Variants in LUZP2 observed in about 807,000 individuals in gnomAD.
LUZP2 encodes the protein leucine zipper protein 2.
A neutral mutation model predicts 51.6 loss-of-function variants in LUZP2; 52 were observed. The ratio of observed to expected loss-of-function variants is 1.01; its 90% confidence interval spans 0.81 to 1.27. LUZP2 has a LOEUF of 1.27. LUZP2 is among the 50% of genes most tolerant of loss of function. The pLI is 0.00. For synonymous variants in LUZP2, 154 were observed against 137.3 expected (o/e 1.12, Z -0.85); for missense variants, 436 against 395.4 (o/e 1.10, Z -0.87).
chr11:24,512,240 G>A (rs1038215831), intron 1 of LUZP2, among the ~76,000 whole-genome samples: 3 of 151,956 alleles, frequency 2.0e-5, no homozygotes, highest in Non-Finnish European at 2.9e-5. Context: ...AACAAATAGC[G>A]GTGGTGGTAG....
chr11:24,848,745 G>A (rs755579399), intron 5 of LUZP2, among the ~76,000 whole-genome samples: 22 of 152,032 alleles, frequency 1.4e-4, no homozygotes, highest in Non-Finnish European at 2.4e-4. Context: ...GAATGAAAGC[G>A]GAAACATTTC....
chr11:25,005,661 G>A (rs1460365191), intron 9 of LUZP2, among the ~76,000 whole-genome samples: 2 of 152,058 alleles, frequency 1.3e-5, no homozygotes, highest in African/African-American at 4.8e-5. Flanking sequence ...ATGGTCCCTG[G>A]ACCCTGCTGA....
chr11:24,770,723 C>T (rs1391464606), intron 5 of LUZP2, among the ~76,000 whole-genome samples: 2 of 152,122 alleles, frequency 1.3e-5, no homozygotes, highest in East Asian at 1.9e-4. Flanking sequence ...GGCAATAAAG[C>T]AGTTACTATT....
At chr11:24,826,190 A>ATATATATATATATATAT (rs1554916354) in intron 5 of LUZP2, among the ~76,000 whole-genome samples, 13 of 67,544 alleles carry the variant, frequency 1.9e-4, no homozygotes, top group African/African-American at 2.9e-4. Context: ...AAAAAAAAAA[A>ATATATATATATATATAT]ATATATATAT....
chr11:24,880,286 T>TAC (rs58137096), intron 5 of LUZP2, among the ~76,000 whole-genome samples: 74,809 of 151,808 alleles, frequency 0.49, 18,951 homozygotes, highest in East Asian at 0.75. Flanking sequence ...CTCCCAAATT[T>TAC]AGACTCTCTC....
intron 1 of LUZP2, among the ~76,000 whole-genome samples, chr11:24,638,254 G>A (rs1186439984): frequency 1.3e-5 from 2 of 151,502 alleles, no homozygotes; most frequent in African/African-American, 4.9e-5. Context: ...CTTTAAAATT[G>A]TCAATAAAAT....
chr11:24,724,407 T>A (rs1858395720), intron 1 of LUZP2, among the ~76,000 whole-genome samples: 4 of 151,866 alleles, frequency 2.6e-5, no homozygotes, highest in Admixed American at 2.6e-4. Flanking sequence ...CTCTCTCTAC[T>A]AAGAATAGAA....
In LUZP2 at chr11:24,675,807, A is replaced by ATTTG. The variant is rs1237492113; in HGVS notation, c.63-53359_63-53358insGTTT. Among the ~76,000 whole-genome samples the ATTTG allele has an allele frequency of 6.9e-4, 87 of 126,796 alleles. 1 individual carries two copies. The highest frequency in any genetic ancestry group is 2.1e-3 in the African/African-American group (73 of 35,490). 83.2% of individuals were successfully genotyped at this position (126,796 alleles called of 152,430 possible). A position where few individuals can be genotyped will look rare whatever the true frequency, so the allele number is the denominator to read the frequency against. ...TTTTTTTATATTTATTTATTTATTT[A>ATTTG]TTTATTTATTTATTTATTTATTTAT... On this transcript the variant is annotated intron_variant, in intron 1 of 11. Transcript: ENST00000336930.
chr11:24,657,000 A>G (rs1855828974), intron 1 of LUZP2, among the ~76,000 whole-genome samples: 1 of 152,212 alleles, frequency 6.6e-6, no homozygotes, highest in Admixed American at 6.5e-5. Flanking sequence ...CGTGGAAACT[A>G]AGAGCTGGAG....
At chr11:24,696,976 AC>A (rs1857269461) in intron 1 of LUZP2, among the ~76,000 whole-genome samples, 1 of 152,100 alleles carries the variant, frequency 6.6e-6, no homozygotes, top group Non-Finnish European at 1.5e-5. Context: ...AAAACCTGTT[AC>A]CTTGGGTTTG....
At chr11:24,856,653 A>C (rs1311735387) in intron 5 of LUZP2, among the ~76,000 whole-genome samples, 1 of 152,136 alleles carries the variant, frequency 6.6e-6, no homozygotes, top group African/African-American at 2.4e-5. Context: ...ACTATTCACA[A>C]TAGCAAAGAT....
At chr11:24,713,566 C>CA (rs1857919118) in intron 1 of LUZP2, among the ~76,000 whole-genome samples, 1 of 151,606 alleles carries the variant, frequency 6.6e-6, no homozygotes, top group Non-Finnish European at 1.5e-5. Context: ...ACAGGCCAGA[C>CA]ACGGTGGCTC....
At chr11:24,788,146 C>T (rs1276192130) in intron 5 of LUZP2, among the ~76,000 whole-genome samples, 1 of 149,714 alleles carries the variant, frequency 6.7e-6, no homozygotes, top group African/African-American at 2.5e-5. Context: ...TTAATTCTTT[C>T]ACTGTAACAG....
chr11:24,940,350 A>G (rs965182041), intron 7 of LUZP2, among the ~76,000 whole-genome samples: 4 of 152,144 alleles, frequency 2.6e-5, no homozygotes, highest in South Asian at 2.1e-4. Flanking sequence ...TGGGTCTTCA[A>G]TATTTTAGAC....
intron 1 of LUZP2, among the ~76,000 whole-genome samples, chr11:24,655,710 T>C (rs970673473): frequency 3.9e-5 from 6 of 152,170 alleles, no homozygotes; most frequent in Non-Finnish European, 7.4e-5. Flanking sequence ...TGTCAGTGTT[T>C]GGAATTTAGT....
chr11:24,887,750 T>G (rs902580259), intron 5 of LUZP2, among the ~76,000 whole-genome samples: 3 of 152,204 alleles, frequency 2.0e-5, no homozygotes, highest in Admixed American at 6.5e-5. Context: ...GATTTCCCAT[T>G]GTAAAATGAC....
chr11:24,988,130 A>G (rs968858329), intron 9 of LUZP2, among the ~76,000 whole-genome samples: 1 of 152,114 alleles, frequency 6.6e-6, no homozygotes, highest in Middle Eastern at 3.4e-3. Flanking sequence ...GAGGTGATCA[A>G]TTTTAAACAG....
chr11:24,617,684 A>G (rs919871069), intron 1 of LUZP2, among the ~76,000 whole-genome samples: 1 of 151,910 alleles, frequency 6.6e-6, no homozygotes, highest in African/African-American at 2.4e-5. Flanking sequence ...AGCTGGGCAT[A>G]GTGGAGGGCA....
chr11:24,717,802 C>T (rs1298042734), intron 1 of LUZP2, among the ~76,000 whole-genome samples: 2 of 151,994 alleles, frequency 1.3e-5, no homozygotes. Flanking sequence ...TCTTTGTGTT[C>T]GTGAGTTCTC....
Sources: gnomAD v4.1 joint callset for allele counts (sites outside exome capture counted in the v4.1 genomes callset) on GRCh38, gnomAD v4.1.1 for gene constraint, MANE v1.5 for transcripts, NCBI Gene and HGNC (gene_info 2026-07-23, HGNC 2026-07-21) for gene names.